ABCB9: variants seen among roughly 807,000 people sequenced by gnomAD.
ABCB9 encodes ATP binding cassette subfamily B member 9, also known as ABC-type oligopeptide transporter ABCB9.
In ABCB9, 36 loss-of-function variants were observed where a neutral mutation model predicts 62.0. That is an observed-to-expected ratio of 0.58 (90% CI 0.45 to 0.77). The LOEUF is 0.77. Ranked by LOEUF, ABCB9 falls within the 30% of genes least tolerant of loss-of-function variation. The pLI is 0.00. For synonymous variants in ABCB9, 435 were observed against 461.4 expected, an observed-to-expected ratio of 0.94 and a Z score of 0.73; for missense variants, 943 against 1,054.7, an observed-to-expected ratio of 0.89 and a Z score of 1.47.
At chr12:122,921,006 C>T (rs950075327) in exon 12 of ABCB9, 58 of 1,534,380 alleles carry the variant, frequency 3.8e-5, no homozygotes, top group Non-Finnish European at 5.0e-5. Context: ...ATCATCAATC[C>T]ATCTCGGTTC....
intron 1 of ABCB9, among the ~76,000 whole-genome samples, chr12:122,972,439 A>G (rs1003289338): frequency 6.6e-6 from 1 of 152,160 alleles, no homozygotes; most frequent in African/African-American, 2.4e-5. Context: ...GGGCGCTTCT[A>G]CGGGGGCTGG....
chr12:122,949,819 C>A lies in ABCB9; in HGVS notation c.816G>T (p.Gln272His). 1.2e-6 allele frequency: 2 copies of A among 1,614,222 alleles called. No individual in the cohort carries two copies. The change falls in exon 4 of 12, where the codon CAG (glutamine) becomes CAT (histidine). Residue 272 changes from glutamine (Q) to histidine (H), a missense_variant. Physicochemically the swap from Gln to His is conservative, Grantham distance 24. Coordinates refer to ENST00000280560, the MANE Select transcript of ABCB9 (RefSeq NM_019625.4). ...GGTTCTCATCAAAGAAGCTTGTCTC[C>A]TGGGACACCAGTGAGCGGAAGAGAC... ...RNCLFRSLVS[Q>H]ETSFFDENRT...
At position 122,949,938 on chromosome 12, in the gene ABCB9, A is replaced by G. The variant is rs2135860374; in HGVS notation, c.717-20T>C. 1 of 1,613,764 alleles carries G rather than the reference A, an allele frequency of 6.2e-7. No individual in the cohort carries two copies. The highest frequency in any genetic ancestry group is 8.5e-7 in the Non-Finnish European group (1 of 1,179,754). On this transcript the variant is annotated intron_variant, in intron 3 of 11. Coordinates refer to ENST00000280560, the MANE Select transcript of ABCB9 (RefSeq NM_019625.4). ...AATGAGCTAATTGCAGATAAGAGAT[A>G]TTATAGCACGATGTCCTTCCAGACC...
chr12:122,922,034 C>T (rs919848584), intron 11 of ABCB9, among the ~76,000 whole-genome samples: 8 of 152,012 alleles, frequency 5.3e-5, no homozygotes, highest in Admixed American at 3.9e-4. Flanking sequence ...GAGGTGGAGA[C>T]GCCCGGCCGG....
downstream of ABCB9, among the ~76,000 whole-genome samples, chr12:122,919,893 A>G (rs1303295451): frequency 1.4e-4 from 13 of 91,238 alleles, no homozygotes; most frequent in Middle Eastern, 5.0e-3. Context: ...TTATTTATTT[A>G]TTTATTTATT....
Position 122,959,651 on chromosome 12 carries a change from G to A in ABCB9, c.585C>T (p.Leu195=), listed in dbSNP as rs2036784136. The A allele has an allele frequency of 6.4e-7, 1 of 1,563,554 alleles. No individual in the cohort carries two copies. Among genetic ancestry groups the A allele is most frequent in the African/African-American group, 1.4e-5 (1 of 73,700 alleles). ...VAFLVAASFF[L]IVAALGETFL... ...CTTACTTACCCAGAGCTGCCACGAT[G>A]AGGAAGAAGGAGGCGGCCACGAGGA... Residue 195 remains leucine (L), a synonymous_variant, in exon 2 of 12, where the codon CTC becomes CTT. Coordinates refer to ENST00000280560, the MANE Select transcript of ABCB9 (RefSeq NM_019625.4). The surrounding 1 kb of genome is among the most constrained non-coding windows in gnomAD (Gnocchi z 5.4).
At chr12:122,933,400 C>T (rs1176420875) in intron 10 of ABCB9, among the ~76,000 whole-genome samples, 1 of 151,936 alleles carries the variant, frequency 6.6e-6, no homozygotes, top group African/African-American at 2.4e-5. Context: ...TAAAAATACA[C>T]AAAATTAGCC....
rs199670639 is a variant in ABCB9 at position 122,950,565 on chromosome 12, C to G, written c.602G>C (p.Gly201Ala). The G allele has an allele frequency of 1.4e-5, 22 of 1,610,948 alleles. No individual in the cohort carries two copies. The highest frequency in any genetic ancestry group is 1.8e-5 in the Non-Finnish European group (21 of 1,179,606). Residue 201 changes from glycine (G) to alanine (A), a missense_variant and splice_region_variant, in exon 3 of 12, where the codon GGA (glycine) becomes GCA (alanine). Gly to Ala is a moderately conservative substitution (Grantham distance 60). Transcript: ENST00000280560. ...ASFFLIVAAL[G>A]ETFLPYYTGR... ...CGTGTAGTAGGGCAGGAAGGTCTCT[C>G]CTGGGGGAGGCAGGGCAGCCTCAGG...
chr12:122,927,992 G>C (rs961183757), downstream of ABCB9, among the ~76,000 whole-genome samples: 4 of 152,308 alleles, frequency 2.6e-5, no homozygotes, highest in East Asian at 7.7e-4. Context: ...AACCAAGGTT[G>C]CAAGTTCCCC....
At chr12:122,939,846 A>T in intron 9 of ABCB9, 1 of 385,404 alleles carries the variant, frequency 2.6e-6, no homozygotes, top group Non-Finnish European at 4.6e-6. Flanking sequence ...TTTCTTTTTT[A>T]ATAGAGACGG....
chr12:122,948,876 G>C (rs1213804925), intron 4 of ABCB9, 47 bp from the exon 5 acceptor site: 2 of 1,454,310 alleles, frequency 1.4e-6, no homozygotes, highest in Non-Finnish European at 1.8e-6. Flanking sequence ...CCGGGCCTTG[G>C]GGGTGGCGGT....
At chr12:122,962,835 C>A (rs2036978191) in intron 1 of ABCB9, among the ~76,000 whole-genome samples, 1 of 152,182 alleles carries the variant, frequency 6.6e-6, no homozygotes. Flanking sequence ...TGTGCACTGT[C>A]ATCCCTTCCA....
downstream of ABCB9, chr12:122,928,977 A>G (rs1593965264): frequency 5.5e-5 from 54 of 985,356 alleles, no homozygotes; most frequent in Admixed American, 6.2e-5. Context: ...AGTTGGCCCA[A>G]GTAGAAGTCA....
rs770882107 is a variant in ABCB9 at position 122,959,738 on chromosome 12, G to A, written c.498C>T (p.Pro166=). The part of the protein sequence containing the change: ...EGFPGSGRPP[P]EQASGATLQK... ...GCAGCGTGGCCCCAGACGCCTGCTC[G>A]GGCGGTGGCCGGCCGCTCCCAGGGA... Residue 166 remains proline (P), a synonymous_variant, in exon 2 of 12, where the codon CCC becomes CCT. Transcript: ENST00000280560. The surrounding 1 kb of genome is among the most constrained non-coding windows in gnomAD (Gnocchi z 5.4). 6.8e-6 allele frequency: 11 copies of A among 1,611,198 alleles called. No homozygotes were observed. Among genetic ancestry groups the A allele is most frequent in the South Asian group, 4.4e-5 (4 of 91,002 alleles).
intron 2 of ABCB9, among the ~76,000 whole-genome samples, chr12:122,958,169 CAAAAA>C (rs34917345): frequency 6.9e-5 from 5 of 72,238 alleles, no homozygotes; most frequent in Non-Finnish European, 9.8e-5. Flanking sequence ...GACTCCATCT[CAAAAA>C]AAAAAAAAAA....
rs992374650 is a variant in ABCB9, at chr12:122,954,216, T to C, written c.602-3651A>G. On this transcript the variant is annotated intron_variant, in intron 2 of 11. Transcript: ENST00000280560. ...CCATTTGTTTTTTATGTATTTTTTT[T>C]ATTTTTTTTGAGACGGAGTTTCACT... Among the ~76,000 whole-genome samples the C allele has an allele frequency of 2.6e-5, 4 of 152,196 alleles. 1 individual carries two copies. In the East Asian group the frequency reaches 7.7e-4, roughly 29 times the overall value.
At chr12:122,934,832 A>C (rs976759972) in intron 10 of ABCB9, among the ~76,000 whole-genome samples, 50 of 151,416 alleles carry the variant, frequency 3.3e-4, no homozygotes, top group Non-Finnish European at 6.6e-4. Flanking sequence ...AATAGGAAAA[A>C]AAAAACCCAG....
Position 122,944,683 on chromosome 12 carries a change from C to T in ABCB9, c.1252-164G>A. The T allele has an allele frequency of 2.1e-6, 2 of 932,390 alleles. No individual in the cohort carries two copies. Among genetic ancestry groups the T allele is most frequent in the Admixed American group, 2.8e-5 (1 of 35,990 alleles). 57.8% of individuals were successfully genotyped at this position (932,390 alleles called of 1,614,324 possible). On this transcript the variant is annotated intron_variant, in intron 6 of 11. Transcript: ENST00000280560. The surrounding 1 kb of genome is among the most constrained non-coding windows in gnomAD (Gnocchi z 4.9). ...TGTCTTCCAAGGCTTGTCACTCATG[C>T]CTTCCCCTGCCCCGAGCATTTCCCT...
chr12:122,925,898 A>C (rs553034923), downstream of ABCB9, among the ~76,000 whole-genome samples: 3 of 152,332 alleles, frequency 2.0e-5, no homozygotes, highest in South Asian at 4.1e-4. Context: ...ATACAATAGG[A>C]TATCATTCAG....
Sources: allele counts gnomAD v4.1 joint callset (sites outside exome capture counted in the v4.1 genomes callset), GRCh38; gene constraint gnomAD v4.1.1; non-coding constraint Gnocchi (gnomAD v3.1); transcripts MANE v1.5; gene names NCBI Gene and HGNC (gene_info 2026-07-23, HGNC 2026-07-21).